Variants in SNX8 observed in about 807,000 individuals in gnomAD.
SNX8 encodes sorting nexin-8.
In SNX8, 25 loss-of-function variants were observed where a neutral mutation model predicts 51.6. The observed-to-expected ratio is 0.48, with a 90% CI of 0.35 to 0.68. The LOEUF (loss-of-function observed/expected upper bound fraction) is 0.68. Ranked by LOEUF, SNX8 falls within the 30% of genes least tolerant of loss-of-function variation. The pLI is 0.00. For synonymous variants in SNX8, 324 were observed against 277.0 expected (o/e 1.17, Z -1.68); for missense variants, 695 against 624.0 (o/e 1.11, Z -1.21).
rs563246633 is a variant in SNX8, at chr7:2,322,091, GT to G, written c.-66+32130del. 2.6e-4 allele frequency among the ~76,000 whole-genome samples: 40 copies of G among 152,284 alleles called. No individual in the cohort carries two copies. The East Asian group carries it at 6.6e-3, about 25-fold the overall frequency. ...CCAGTTATATCACGATGGTTAATCTGTTTTTTTGATTCACATGTAGTGCTTT... is the reference window on the plus strand; with the variant it reads ...CCAGTTATATCACGATGGTTAATCTGTTTTTTGATTCACATGTAGTGCTTT... On this transcript the variant is annotated intron_variant, in intron 1 of 5. Coordinates refer to the SNX8 transcript ENST00000435336.
At chr7:2,313,855 A>G (rs2115213708) in intron 1 of SNX8, among the ~76,000 whole-genome samples, 1 of 152,350 alleles carries the variant, frequency 6.6e-6, no homozygotes, top group Non-Finnish European at 1.5e-5. Context: ...GAGAGGTGAA[A>G]TTACTGGCCC....
intron 1 of SNX8, among the ~76,000 whole-genome samples, chr7:2,336,161 G>A (rs1347686629): frequency 1.3e-5 from 2 of 151,414 alleles, no homozygotes; most frequent in Non-Finnish European, 2.9e-5. Flanking sequence ...CAGCACTTTG[G>A]GAGGCTGAGG....
chr7:2,260,786 A>G (rs1358177285), intron 7 of SNX8, among the ~76,000 whole-genome samples: 2 of 152,240 alleles, frequency 1.3e-5, no homozygotes, highest in Non-Finnish European at 2.9e-5. Context: ...TTCAGGAAAC[A>G]GCACTTCTCC....
At chr7:2,308,807 G>A (rs1284025734) in intron 1 of SNX8, among the ~76,000 whole-genome samples, 3 of 123,204 alleles carry the variant, frequency 2.4e-5, no homozygotes, top group Non-Finnish European at 4.8e-5. Flanking sequence ...TTTTTGAGCT[G>A]GAGTCTTGTT....
intron 7 of SNX8, 56 bp from the exon 8 acceptor site, chr7:2,257,859 C>T: frequency 6.5e-7 from 1 of 1,546,266 alleles, no homozygotes; most frequent in Middle Eastern, 1.7e-4. Context: ...CGGTCCCTGC[C>T]CGGGAACTCA....
intron 1 of SNX8, among the ~76,000 whole-genome samples, chr7:2,330,372 A>C (rs904149220): frequency 3.3e-5 from 5 of 151,718 alleles, no homozygotes; most frequent in Admixed American, 1.3e-4. Context: ...TCCCAACCTC[A>C]AGTGATCTGC....
At chr7:2,257,189 G>C (rs571960213) in intron 9 of SNX8, among the ~76,000 whole-genome samples, 166 bp from the exon 10 acceptor site, 2 of 152,166 alleles carry the variant, frequency 1.3e-5, no homozygotes, top group African/African-American at 4.8e-5. Context: ...GGAGCACCGT[G>C]CAGGGAGCCG....
At position 2,278,688 on chromosome 7, in the gene SNX8, G is replaced by A. The variant is rs1252122717; in HGVS notation, c.95-383C>T. Among the ~76,000 whole-genome samples, 4 of 121,100 alleles carry A rather than the reference G, an allele frequency of 3.3e-5. No individual in the cohort carries two copies. In the East Asian group the frequency reaches 7.6e-4, roughly 23 times the overall value. The allele number at this position is 121,100 out of a possible 152,430, so 79.4% of individuals were successfully genotyped here. On this transcript the variant is annotated intron_variant, in intron 1 of 10. Transcript: ENST00000222990. ...TCGACGCCGGACTCACTCACACTAC[G>A]GAGTCGACGCCGGACTCACTCACAC...
chr7:2,341,126 C>T (rs537847524), intron 1 of SNX8, among the ~76,000 whole-genome samples: 3 of 143,878 alleles, frequency 2.1e-5, no homozygotes, highest in East Asian at 2.1e-4. Context: ...GCTGTGATCA[C>T]GCCATTCACT....
At chr7:2,312,305 G>A (rs933765212) in intron 1 of SNX8, among the ~76,000 whole-genome samples, 2 of 152,046 alleles carry the variant, frequency 1.3e-5, no homozygotes, top group African/African-American at 4.8e-5. Flanking sequence ...AAGCCTGAAG[G>A]AAACACAGTC....
In SNX8 at chr7:2,271,858, T is replaced by C. The variant is rs757423561; in HGVS notation, c.532A>G (p.Ser178Gly). 9 of 1,609,290 alleles carry C rather than the reference T, an allele frequency of 5.6e-6. No homozygotes were observed. The highest frequency in any genetic ancestry group is 1.7e-5 in the Admixed American group (1 of 59,062). The change falls in exon 4 of 11, where the codon AGC (serine) becomes GGC (glycine). Residue 178 changes from serine (S) to glycine (G), a missense_variant. Coordinates refer to ENST00000222990, the MANE Select transcript of SNX8 (RefSeq NM_013321.4). ...AGGGCAGACACACTCACCGAGCCGC[T>C]GAAGGACAGGAAGAGCTTGAGGACC... The part of the protein sequence containing the change: ...DVVLKLFLSF[S>G]GSDVQNKLKE...
intron 1 of SNX8, among the ~76,000 whole-genome samples, chr7:2,291,628 AC>A (rs1796152999): frequency 6.6e-6 from 1 of 151,868 alleles, no homozygotes; most frequent in South Asian, 2.1e-4. Context: ...AAAAAAGGAA[AC>A]CAGTCTCGGA....
At chr7:2,340,326 C>T (rs1778898305) in intron 1 of SNX8, among the ~76,000 whole-genome samples, 1 of 151,750 alleles carries the variant, frequency 6.6e-6, no homozygotes, top group Non-Finnish European at 1.5e-5. Context: ...CCCACCTTGG[C>T]CTCCCAAAGT....
chr7:2,287,626 C>T (rs1009322084), intron 1 of SNX8, among the ~76,000 whole-genome samples: 27 of 151,918 alleles, frequency 1.8e-4, no homozygotes, highest in African/African-American at 6.5e-4. Flanking sequence ...TGGCGGGCAC[C>T]TATAGTCCCA....
intron 3 of SNX8, among the ~76,000 whole-genome samples, chr7:2,274,611 C>A (rs1330997672): frequency 6.6e-6 from 1 of 152,240 alleles, no homozygotes; most frequent in African/African-American, 2.4e-5. Flanking sequence ...CAGCCGTGTG[C>A]TGCTTTTTCT....
At chr7:2,325,569 T>C (rs1264851334) in intron 1 of SNX8, among the ~76,000 whole-genome samples, 2 of 152,100 alleles carry the variant, frequency 1.3e-5, no homozygotes, top group Non-Finnish European at 2.9e-5. Context: ...GGCTCATGCC[T>C]GTAATCTCAG....
At chr7:2,329,341 C>G (rs1001140829) in intron 1 of SNX8, among the ~76,000 whole-genome samples, 4 of 151,634 alleles carry the variant, frequency 2.6e-5, no homozygotes, top group African/African-American at 9.7e-5. Context: ...AAGGTAATGC[C>G]TAATGCTTGG....
intron 1 of SNX8, among the ~76,000 whole-genome samples, chr7:2,352,061 C>T (rs753204063): frequency 2.0e-5 from 3 of 151,706 alleles, no homozygotes; most frequent in Admixed American, 6.6e-5. Flanking sequence ...GCATGTGCCA[C>T]CATGCCTGGC....
intron 1 of SNX8, among the ~76,000 whole-genome samples, chr7:2,340,866 A>AAC (rs1778910110): frequency 6.8e-6 from 1 of 147,630 alleles, no homozygotes; most frequent in Non-Finnish European, 1.5e-5. Flanking sequence ...CAAAAAAAAA[A>AAC]AAAAAAAAAA....
Sources: gnomAD v4.1 joint callset for allele counts (sites outside exome capture counted in the v4.1 genomes callset) on GRCh38, gnomAD v4.1.1 for gene constraint, MANE v1.5 for transcripts, NCBI Gene and HGNC (gene_info 2026-07-23, HGNC 2026-07-21) for gene names.